The following FYTTD1 variants were observed in gnomAD, a reference collection of about 807,000 sequenced individuals.
FYTTD1 encodes forty-two-three domain containing 1, also known as UAP56-interacting factor.
FYTTD1 carries 22 observed loss-of-function variants against 40.9 expected under a neutral mutation model. That is an observed-to-expected ratio of 0.54 (90% confidence interval 0.38 to 0.77). FYTTD1 has a LOEUF of 0.77. Among genes scored for constraint, FYTTD1 ranks in the 30% least tolerant of loss-of-function variants. FYTTD1 has a pLI of 0.00. For synonymous variants in FYTTD1, 140 were observed against 137.9 expected, an observed-to-expected ratio of 1.01 and a Z score of -0.10; for missense variants, 351 against 392.2, an observed-to-expected ratio of 0.90 and a Z score of 0.89.
Position 197,756,416 on chromosome 3 carries a change from T to C in FYTTD1, c.104-10T>C, listed in dbSNP as rs766793781. 4.0e-5 allele frequency: 63 copies of C among 1,592,350 alleles called. 1 individual carries two copies. The Middle Eastern group carries it at 6.7e-4, about 17-fold the overall frequency. ...TAAAATGAAAATAATTGACATTTCC[T>C]CTATCATAGATGATATCATCAAGTT... On this transcript the variant is annotated splice_polypyrimidine_tract_variant and intron_variant, in intron 1 of 8. Transcript: ENST00000241502.
At chr3:197,777,152 G>A in intron 7 of FYTTD1, 151 bp downstream of exon 7, 1 of 567,078 alleles carries the variant, frequency 1.8e-6, no homozygotes, top group Non-Finnish European at 3.1e-6. Flanking sequence ...AACAGTATAT[G>A]GTGTAAAGTA....
chr3:197,770,278 C>A, intron 4 of FYTTD1, 34 bp downstream of exon 4: 4 of 1,256,662 alleles, frequency 3.2e-6, no homozygotes, highest in Non-Finnish European at 1.1e-6. Context: ...TGTTATTTTG[C>A]ATTAAAAACA....
chr3:197,761,150 C>A (rs1013140723), intron 2 of FYTTD1, among the ~76,000 whole-genome samples: 2 of 150,108 alleles, frequency 1.3e-5, no homozygotes, highest in South Asian at 4.2e-4. Flanking sequence ...TAGAGTTGTT[C>A]TTCAATAGTA....
At chr3:197,760,125 A>T (rs1444598855) in intron 2 of FYTTD1, among the ~76,000 whole-genome samples, 2 of 149,898 alleles carry the variant, frequency 1.3e-5, no homozygotes, top group Admixed American at 1.3e-4. Flanking sequence ...AATGTTCCTC[A>T]GTGGTAGAAC....
chr3:197,763,518 T>G, intron 2 of FYTTD1: 1 of 452,182 alleles, frequency 2.2e-6, no homozygotes, highest in Non-Finnish European at 4.4e-6. Context: ...GGTTCGTGCT[T>G]GTAATCCCAG....
Position 197,784,274 on chromosome 3 carries a change from A to G in FYTTD1, c.*2365A>G, listed in dbSNP as rs1242913291. The G allele has an allele frequency of 1.3e-5, 2 of 152,272 alleles. No homozygotes were observed. The highest frequency in any genetic ancestry group is 1.9e-4 in the East Asian group (1 of 5,206). 9.4% of individuals were successfully genotyped at this position (152,272 alleles called of 1,614,324 possible). ...TTCTGAAGCTGTTCATTTTTAACAA[A>G]TAAAATGTTACAGGTTTCACATGAT... On this transcript the variant is annotated 3_prime_UTR_variant, in exon 9 of 9. Coordinates refer to ENST00000241502, the MANE Select transcript of FYTTD1 (RefSeq NM_032288.7).
intron 1 of FYTTD1, chr3:197,755,964 G>A (rs934927757): frequency 5.3e-5 from 32 of 602,316 alleles, no homozygotes; most frequent in African/African-American, 5.1e-4. Flanking sequence ...GAAAATGGAG[G>A]CTTCTGTGAT....
rs1730101239 is a variant in FYTTD1, at chr3:197,784,099, A to T, written c.*2190A>T. 1 of 152,562 alleles carries T rather than the reference A, an allele frequency of 6.6e-6. No homozygotes were observed. Among genetic ancestry groups the T allele is most frequent in the African/African-American group, 2.4e-5 (1 of 41,438 alleles). The allele number at this position is 152,562 out of a possible 1,614,324, so 9.5% of individuals were successfully genotyped here. A position where few individuals can be genotyped will look rare whatever the true frequency, so the allele number is the denominator to read the frequency against. On this transcript the variant is annotated 3_prime_UTR_variant, in exon 9 of 9. Transcript: ENST00000241502. Reference sequence around the variant, plus strand: ...CAGTTCTTAAGTTTCGGTTTTTTTTAAAAACAGGATGCAACTTAAACTTTT... The same window carrying T: ...CAGTTCTTAAGTTTCGGTTTTTTTTTAAAACAGGATGCAACTTAAACTTTT...
intron 6 of FYTTD1, 102 bp downstream of exon 6, chr3:197,774,312 C>T: frequency 1.0e-6 from 1 of 994,144 alleles, no homozygotes; most frequent in Middle Eastern, 2.9e-4. Context: ...AATTGAAACC[C>T]AAAATAAAAT....
In FYTTD1 at chr3:197,749,931, C is replaced by A. The variant is rs1361655614; in HGVS notation, c.-41C>A. On this transcript the variant is annotated 5_prime_UTR_variant, in exon 1 of 9. Transcript: ENST00000241502. ...GTGGGAGGTGGCAGGCCTGCGACTCCGGCCTTGTCCGCGCCCGCTCTCGGC... is the reference window on the plus strand; with the variant it reads ...GTGGGAGGTGGCAGGCCTGCGACTCAGGCCTTGTCCGCGCCCGCTCTCGGC... The A allele has an allele frequency of 2.2e-6, 3 of 1,385,278 alleles. No individual in the cohort carries two copies. Among genetic ancestry groups the A allele is most frequent in the East Asian group, 5.8e-5 (2 of 34,774 alleles). The allele number at this position is 1,385,278 out of a possible 1,614,324, so 85.8% of individuals were successfully genotyped here. A position where few individuals can be genotyped will look rare whatever the true frequency, so the allele number is the denominator to read the frequency against.
intron 1 of FYTTD1, chr3:197,755,611 A>AATTT (rs10554264): frequency 0.12 from 23,672 of 200,730 alleles, 1,708 homozygotes; most frequent in African/African-American, 0.19. Context: ...ATACCCGGCT[A>AATTT]ATTTATTTAT....
At chr3:197,764,944 AG>A (rs1729499578) in intron 2 of FYTTD1, among the ~76,000 whole-genome samples, 1 of 150,482 alleles carries the variant, frequency 6.6e-6, no homozygotes, top group African/African-American at 2.4e-5. Flanking sequence ...TCCGCCTCCC[AG>A]GTCAAGCGAT....
At chr3:197,756,378 A>T in intron 1 of FYTTD1, 48 bp from the exon 2 acceptor site, 1 of 1,408,058 alleles carries the variant, frequency 7.1e-7, no homozygotes, top group Non-Finnish European at 1.0e-6. Flanking sequence ...GAAACTGAGT[A>T]ATTGAGTTAA....
chr3:197,778,135 A>C (rs1338852714), intron 7 of FYTTD1, among the ~76,000 whole-genome samples: 1 of 152,260 alleles, frequency 6.6e-6, no homozygotes, highest in African/African-American at 2.4e-5. Flanking sequence ...CTTGTTGAAA[A>C]GTTTGTAGTT....
At chr3:197,774,553 C>T (rs1452296934) in intron 6 of FYTTD1, among the ~76,000 whole-genome samples, 1 of 150,920 alleles carries the variant, frequency 6.6e-6, no homozygotes, top group African/African-American at 2.4e-5. Flanking sequence ...CAGCATAGCT[C>T]GATGACCAGT....
rs1158450664 is a variant in FYTTD1, at chr3:197,776,692, G to T, written c.657-235G>T. ...TATTAGAAGTTCTTTTGTACTATTTGATTTTTTTAAATTTGTATACATTTA... is the reference window on the plus strand; with the variant it reads ...TATTAGAAGTTCTTTTGTACTATTTTATTTTTTTAAATTTGTATACATTTA... On this transcript the variant is annotated intron_variant, in intron 6 of 8. Transcript: ENST00000241502. 2.0e-5 allele frequency among the ~76,000 whole-genome samples: 3 copies of T among 151,978 alleles called. No homozygotes were observed. In the East Asian group the frequency reaches 5.8e-4, roughly 29 times the overall value.
At position 197,785,922 on chromosome 3, in the gene FYTTD1, A is replaced by G. The variant is rs1223868475; in HGVS notation, c.*4013A>G. On this transcript the variant is annotated 3_prime_UTR_variant, in exon 9 of 9. Coordinates refer to ENST00000241502, the MANE Select transcript of FYTTD1 (RefSeq NM_032288.7). ...GAGAGGGTTCTTTTTGGATAGATCAATTTGGAACTAGCTTCTTTTTTTTTT... is the reference window on the plus strand; with the variant it reads ...GAGAGGGTTCTTTTTGGATAGATCAGTTTGGAACTAGCTTCTTTTTTTTTT... 2.0e-5 allele frequency: 3 copies of G among 151,072 alleles called. No homozygotes were observed. The highest frequency in any genetic ancestry group is 3.9e-4 in the East Asian group (2 of 5,190). The allele number at this position is 151,072 out of a possible 1,614,324, so 9.4% of individuals were successfully genotyped here.
chr3:197,776,205 A>AT (rs546104827), intron 6 of FYTTD1, among the ~76,000 whole-genome samples: 1,642 of 139,438 alleles, frequency 0.012, 15 homozygotes, highest in Non-Finnish European at 0.016. Flanking sequence ...CATCATAGCA[A>AT]TTTTTTTTTT....
intron 2 of FYTTD1, among the ~76,000 whole-genome samples, chr3:197,762,229 C>T (rs547082227): frequency 2.0e-5 from 3 of 152,306 alleles, no homozygotes; most frequent in African/African-American, 7.2e-5. Flanking sequence ...TCTATTAAGG[C>T]AGACACCAAA....
Sources: gnomAD v4.1 joint callset for allele counts (sites outside exome capture counted in the v4.1 genomes callset) on GRCh38, gnomAD v4.1.1 for gene constraint, MANE v1.5 for transcripts, NCBI Gene and HGNC (gene_info 2026-07-23, HGNC 2026-07-21) for gene names.